The following ST6GAL1 variants were observed in gnomAD, a reference collection of about 807,000 sequenced individuals.
ST6GAL1 encodes the protein beta-galactoside alpha-2,6-sialyltransferase 1.
In ST6GAL1, 20 loss-of-function variants were observed where a neutral mutation model predicts 38.0. The ratio of observed to expected loss-of-function variants is 0.53; its 90% CI spans 0.37 to 0.77. ST6GAL1 has a LOEUF of 0.77. ST6GAL1 is among the 30% of genes least tolerant of loss of function. The probability of loss-of-function intolerance (pLI) is 0.00; values close to 1 mark genes in which losing one functional copy is unlikely to be tolerated. For missense variants in ST6GAL1, 432 were observed against 496.4 expected, an observed-to-expected ratio of 0.87 and a Z score of 1.23; for synonymous variants, 196 against 188.2, an observed-to-expected ratio of 1.04 and a Z score of -0.34.
At chr3:186,968,716 C>T (rs77316775) in intron 2 of ST6GAL1, among the ~76,000 whole-genome samples, 1,675 of 152,204 alleles carry the variant, frequency 0.011, 30 homozygotes, top group African/African-American at 0.038. Flanking sequence ...TGTGGATATA[C>T]CACAATTTAT....
chr3:186,967,630 G>GAATTCCCAA (rs1715193325), intron 2 of ST6GAL1, among the ~76,000 whole-genome samples: 1 of 152,202 alleles, frequency 6.6e-6, no homozygotes, highest in African/African-American at 2.4e-5. Flanking sequence ...GGAGTGATTT[G>GAATTCCCAA]GGGAGGCACT....
intron 2 of ST6GAL1, among the ~76,000 whole-genome samples, chr3:187,003,594 C>A (rs1394814111): frequency 2.0e-5 from 3 of 152,098 alleles, no homozygotes; most frequent in East Asian, 1.9e-4. Flanking sequence ...AAAAGTCTTG[C>A]CTATCTTTAA....
At chr3:187,021,569 G>A (rs922109914) in intron 2 of ST6GAL1, among the ~76,000 whole-genome samples, 4 of 151,650 alleles carry the variant, frequency 2.6e-5, no homozygotes, top group Non-Finnish European at 2.9e-5. Context: ...GTGAAACCCC[G>A]TCTCTACTAA....
chr3:187,029,455 G>T (rs997148597), intron 2 of ST6GAL1, among the ~76,000 whole-genome samples: 30 of 152,142 alleles, frequency 2.0e-4, no homozygotes, highest in Non-Finnish European at 4.0e-4. Context: ...GATAAAGGGG[G>T]CTCTGTTAGG....
At chr3:187,043,742 C>G (rs1366147994) in intron 4 of ST6GAL1, 1 of 152,858 alleles carries the variant, frequency 6.5e-6, no homozygotes, top group Admixed American at 6.5e-5. Context: ...AAAGAGAGTT[C>G]CGCTGCTACC....
intron 5 of ST6GAL1, among the ~76,000 whole-genome samples, chr3:187,062,574 T>TCTCACACA (rs111275733): frequency 4.7e-4 from 67 of 143,812 alleles, no homozygotes; most frequent in Non-Finnish European, 9.3e-4. Flanking sequence ...AATAAGCCAG[T>TCTCACACA]CACACACACA....
intron 1 of ST6GAL1, among the ~76,000 whole-genome samples, chr3:186,943,286 A>G (rs1302563404): frequency 6.6e-6 from 1 of 152,094 alleles, no homozygotes; most frequent in Non-Finnish European, 1.5e-5. Context: ...TGAGGGTGAG[A>G]AATGGCTCAT....
chr3:187,043,326 G>A lies in ST6GAL1; in HGVS notation c.607+16G>A, dbSNP rs772916746. ...AGAGAAATCGGTATGTTCTGGGGTTGTTCTGTGAATGGCAGTGCTTATTGG... is the reference window on the plus strand; with the variant it reads ...AGAGAAATCGGTATGTTCTGGGGTTATTCTGTGAATGGCAGTGCTTATTGG... On this transcript the variant is annotated intron_variant, in intron 4 of 7. Coordinates refer to ENST00000169298, the MANE Select transcript of ST6GAL1 (RefSeq NM_173216.2). 3.1e-6 allele frequency: 5 copies of A among 1,604,210 alleles called. No individual in the cohort carries two copies. The South Asian group carries it at 4.4e-5, about 14-fold the overall frequency.
intron 2 of ST6GAL1, among the ~76,000 whole-genome samples, chr3:186,975,284 G>T (rs892143953): frequency 3.9e-5 from 6 of 152,182 alleles, no homozygotes; most frequent in African/African-American, 1.4e-4. Context: ...AAACATGGAA[G>T]ATGCAATTTC....
intron 2 of ST6GAL1, among the ~76,000 whole-genome samples, chr3:186,969,501 C>A (rs937807551): frequency 3.8e-4 from 58 of 151,914 alleles, no homozygotes; most frequent in African/African-American, 1.4e-3. Context: ...ATTTTTTTAC[C>A]CATTTAAAGA....
intron 2 of ST6GAL1, among the ~76,000 whole-genome samples, chr3:187,005,162 G>A (rs571552830): frequency 1.3e-5 from 2 of 151,764 alleles, no homozygotes; most frequent in Non-Finnish European, 2.9e-5. Context: ...GGATGTAGGC[G>A]TAAGTGGGGT....
chr3:187,062,607 A>ACACACACAC (rs1553835871), intron 5 of ST6GAL1, among the ~76,000 whole-genome samples: 2 of 74,234 alleles, frequency 2.7e-5, no homozygotes, highest in Non-Finnish European at 7.4e-5. Flanking sequence ...CACACACACA[A>ACACACACAC]AATACTATAT....
At chr3:186,941,293 G>A (rs1467880102) in intron 1 of ST6GAL1, among the ~76,000 whole-genome samples, 1 of 151,980 alleles carries the variant, frequency 6.6e-6, no homozygotes, top group Non-Finnish European at 1.5e-5. Flanking sequence ...TTGATCTCGG[G>A]CTCTGGAGGA....
At chr3:187,053,918 T>C (rs1718599574) in intron 5 of ST6GAL1, among the ~76,000 whole-genome samples, 1 of 152,258 alleles carries the variant, frequency 6.6e-6, no homozygotes, top group Admixed American at 6.5e-5. Flanking sequence ...GTATTGATTC[T>C]TCCTAACCAT....
At chr3:187,011,248 T>G (rs888519198) in intron 2 of ST6GAL1, among the ~76,000 whole-genome samples, 1 of 152,120 alleles carries the variant, frequency 6.6e-6, no homozygotes, top group African/African-American at 2.4e-5. Flanking sequence ...ATCCGCCCAC[T>G]TCGGCCTCCC....
rs1437154333 is a variant in ST6GAL1, at chr3:187,067,099, TTTTTTTTTG to T, written c.706-5749_706-5741del. Among the ~76,000 whole-genome samples, 226 of 101,700 alleles carry T rather than the reference TTTTTTTTTG, an allele frequency of 2.2e-3. 1 individual carries two copies. Among genetic ancestry groups the T allele is most frequent in the African/African-American group, 0.011 (218 of 19,346 alleles). The allele number at this position is 101,700 out of a possible 152,430, so 66.7% of individuals were successfully genotyped here. A position where few individuals can be genotyped will look rare whatever the true frequency, so the allele number is the denominator to read the frequency against. On this transcript the variant is annotated intron_variant, in intron 5 of 7. Coordinates refer to ENST00000169298, the MANE Select transcript of ST6GAL1 (RefSeq NM_173216.2). ...TTTCTTTCTTTTTTTTTTTTTTTTT[TTTTTTTTTG>T]GAGACAGAGTCTCTGTCACCCAGGC...
chr3:187,066,861 T>C (rs756168405), intron 5 of ST6GAL1, among the ~76,000 whole-genome samples: 1 of 151,930 alleles, frequency 6.6e-6, no homozygotes, highest in Non-Finnish European at 1.5e-5. Flanking sequence ...CCCCTGCAGG[T>C]AAGTACAGGC....
rs757487688 is a variant in ST6GAL1, at chr3:187,001,955, CAAA to C, written c.-182-36773_-182-36771del. On this transcript the variant is annotated intron_variant, in intron 2 of 7. Transcript: ENST00000169298. ...TGGACAACAGAGTGAGACTTTGTCT[CAAA>C]AAAAAAAAAAAAACCCAAAAACAAA... Among the ~76,000 whole-genome samples, 71 of 130,504 alleles carry C rather than the reference CAAA, an allele frequency of 5.4e-4. 1 individual carries two copies. Among genetic ancestry groups the C allele is most frequent in the Admixed American group, 2.3e-3 (31 of 13,304 alleles). The allele number at this position is 130,504 out of a possible 152,430, so 85.6% of individuals were successfully genotyped here.
At chr3:186,972,655 A>G (rs1379454175) in intron 2 of ST6GAL1, among the ~76,000 whole-genome samples, 1 of 152,154 alleles carries the variant, frequency 6.6e-6, no homozygotes, top group Non-Finnish European at 1.5e-5. Context: ...AGTGCCCAGC[A>G]CAGAAGCATG....
Sources: gnomAD v4.1 joint callset for allele counts (sites outside exome capture counted in the v4.1 genomes callset) on GRCh38, gnomAD v4.1.1 for gene constraint, MANE v1.5 for transcripts, NCBI Gene and HGNC (gene_info 2026-07-23, HGNC 2026-07-21) for gene names.